MGLL: variants seen among roughly 807,000 people sequenced by gnomAD.
MGLL encodes the protein monoglyceride lipase, also known as lysophospholipase homolog.
Under a neutral mutation model 29.1 loss-of-function variants are expected in MGLL, and 7 were observed. The ratio of observed to expected loss-of-function variants is 0.24; its 90% confidence interval spans 0.14 to 0.45. MGLL has a LOEUF of 0.45. MGLL is among the 20% of genes least tolerant of loss of function. MGLL has a pLI of 0.99. For synonymous variants in MGLL, 148 were observed against 168.3 expected (o/e 0.88, Z 0.93); for missense variants, 356 against 413.6 (o/e 0.86, Z 1.21).
chr3:127,802,314 A>G, intron 2 of MGLL, among the ~76,000 whole-genome samples: 1 of 152,220 alleles, frequency 6.6e-6, no homozygotes. Flanking sequence ...AAACAGGACC[A>G]AAGTGTGGAG....
At position 127,701,736 on chromosome 3, in the gene MGLL, G is replaced by A. The variant is rs185901110; in HGVS notation, c.601-6546C>T. Reference sequence around the variant, plus strand: ...CCTGCAGGCAGCCTTCCCCGGTCCCGTGTGTGTCATCCCCAGACCCCTTTC... The same window carrying A: ...CCTGCAGGCAGCCTTCCCCGGTCCCATGTGTGTCATCCCCAGACCCCTTTC... On this transcript the variant is annotated intron_variant, in intron 6 of 7. Coordinates refer to ENST00000265052, the MANE Select transcript of MGLL (RefSeq NM_007283.7). 1.4e-3 allele frequency among the ~76,000 whole-genome samples: 219 copies of A among 152,184 alleles called. 1 individual carries two copies. Among genetic ancestry groups the A allele is most frequent in the African/African-American group, 5.1e-3 (210 of 41,502 alleles).
At chr3:127,770,225 T>C (rs2076926872) in intron 3 of MGLL, among the ~76,000 whole-genome samples, 1 of 152,056 alleles carries the variant, frequency 6.6e-6, no homozygotes, top group African/African-American at 2.4e-5. Context: ...TCACATCCTA[T>C]TGCCCAGACT....
chr3:127,806,507 C>T (rs930423522), intron 2 of MGLL, among the ~76,000 whole-genome samples: 2 of 150,382 alleles, frequency 1.3e-5, no homozygotes, highest in African/African-American at 4.9e-5. Flanking sequence ...GATGGATGAA[C>T]GAATGAATGG....
upstream of MGLL, chr3:127,822,554 C>A (rs2077882074): frequency 3.4e-6 from 2 of 582,234 alleles, no homozygotes; most frequent in Non-Finnish European, 3.0e-6. Context: ...AGCGGCGCTG[C>A]GATTCTCCAC....
At chr3:127,793,655 G>A (rs967078241) in intron 2 of MGLL, among the ~76,000 whole-genome samples, 28 of 152,276 alleles carry the variant, frequency 1.8e-4, no homozygotes, top group Admixed American at 5.2e-4. Flanking sequence ...TCCGCCTCCC[G>A]GGTTGAAGTG....
intron 6 of MGLL, among the ~76,000 whole-genome samples, chr3:127,701,705 G>T (rs1198144722): frequency 6.6e-6 from 1 of 152,076 alleles, no homozygotes; most frequent in Non-Finnish European, 1.5e-5. Context: ...CGGCTCAGCT[G>T]CCCTTCCTGC....
chr3:127,760,277 C>T (rs1160218863), intron 3 of MGLL, among the ~76,000 whole-genome samples: 1 of 152,180 alleles, frequency 6.6e-6, no homozygotes, highest in Non-Finnish European at 1.5e-5. Flanking sequence ...CCTGGACACA[C>T]AGGTATAAAG....
At chr3:127,822,041 TC>T in intron 1 of MGLL, 2 of 678,566 alleles carry the variant, frequency 2.9e-6, no homozygotes, top group South Asian at 4.3e-5. Context: ...AAGAAAATGC[TC>T]ACTTTATTTT....
chr3:127,798,421 A>G (rs1323430207), intron 2 of MGLL, among the ~76,000 whole-genome samples: 2 of 151,778 alleles, frequency 1.3e-5, no homozygotes, highest in Admixed American at 1.3e-4. Flanking sequence ...CCCTGCTGGG[A>G]CCCCAGGGCC....
At chr3:127,727,636 C>T (rs2076069966) in intron 3 of MGLL, among the ~76,000 whole-genome samples, 1 of 145,694 alleles carries the variant, frequency 6.9e-6, no homozygotes, top group African/African-American at 2.5e-5. Flanking sequence ...CGTTTGAGCC[C>T]AGGAGGTCAA....
chr3:127,734,908 T>C (rs1476255378), intron 3 of MGLL, among the ~76,000 whole-genome samples: 2 of 152,206 alleles, frequency 1.3e-5, no homozygotes, highest in Non-Finnish European at 2.9e-5. Flanking sequence ...CCTGCATTCC[T>C]GGCCAACCCA....
chr3:127,708,477 A>G (rs1370946703), intron 6 of MGLL, among the ~76,000 whole-genome samples: 2 of 152,226 alleles, frequency 1.3e-5, no homozygotes, highest in African/African-American at 4.8e-5. Context: ...CATCCTGAGT[A>G]AGACCGAAGA....
intron 3 of MGLL, among the ~76,000 whole-genome samples, chr3:127,762,542 T>G (rs1246922226): frequency 6.6e-6 from 1 of 152,058 alleles, no homozygotes; most frequent in Non-Finnish European, 1.5e-5. Flanking sequence ...GGTGGAGAGG[T>G]GCACAGAACC....
chr3:127,779,421 C>T (rs74585782), intron 3 of MGLL, among the ~76,000 whole-genome samples: 202 of 151,966 alleles, frequency 1.3e-3, no homozygotes, highest in African/African-American at 4.7e-3. Flanking sequence ...AGAATGCAGT[C>T]TGCATATATC....
chr3:127,743,700 C>T lies in MGLL; in HGVS notation c.263-21134G>A, dbSNP rs770317303. ...ACAAGAACTGCGTGCCACCCCTACA[C>T]GCTGCCCTTCCCTCTCCAGGGCAAG... On this transcript the variant is annotated intron_variant, in intron 3 of 7. Coordinates refer to ENST00000265052, the MANE Select transcript of MGLL (RefSeq NM_007283.7). Among the ~76,000 whole-genome samples the T allele has an allele frequency of 3.6e-4, 54 of 152,026 alleles. 1 individual carries two copies. Among genetic ancestry groups the T allele is most frequent in the South Asian group, 1.0e-3 (5 of 4,816 alleles).
At chr3:127,792,171 A>T (rs2077310701) in intron 2 of MGLL, among the ~76,000 whole-genome samples, 1 of 152,154 alleles carries the variant, frequency 6.6e-6, no homozygotes, top group South Asian at 2.1e-4. Flanking sequence ...TACATCTATC[A>T]ATCTGGCTTT....
chr3:127,810,742 T>A (rs2107750372), intron 2 of MGLL, among the ~76,000 whole-genome samples: 1 of 152,340 alleles, frequency 6.6e-6, no homozygotes, highest in South Asian at 2.1e-4. Flanking sequence ...AGGGGCCACG[T>A]CTCCATGCTG....
intron 5 of MGLL, chr3:127,715,405 AAATATT>A: frequency 3.1e-6 from 1 of 325,132 alleles, no homozygotes; most frequent in Non-Finnish European, 6.1e-6. Context: ...GTGTAGAGGC[AAATATT>A]TTAATGATAA....
upstream of MGLL, chr3:127,823,060 G>A (rs1200181968): frequency 6.6e-6 from 1 of 152,248 alleles, no homozygotes; most frequent in Admixed American, 6.5e-5. Context: ...TGGCGGGCTG[G>A]GGCAGGGGCC....
Sources: gnomAD v4.1 joint callset for allele counts (sites outside exome capture counted in the v4.1 genomes callset) on GRCh38, gnomAD v4.1.1 for gene constraint, MANE v1.5 for transcripts, NCBI Gene and HGNC (gene_info 2026-07-23, HGNC 2026-07-21) for gene names.